The following ATP6V0E1 variants were observed in gnomAD, a reference collection of about 807,000 sequenced individuals.
ATP6V0E1 encodes V-type proton ATPase subunit e 1.
A neutral mutation model predicts 11.6 loss-of-function variants in ATP6V0E1; 4 were observed. That is an observed-to-expected ratio of 0.35 (90% CI 0.17 to 0.79). The LOEUF (loss-of-function observed/expected upper bound fraction) is 0.79. Among genes scored for constraint, ATP6V0E1 ranks in the 30% least tolerant of loss-of-function variants. ATP6V0E1 has a pLI of 0.54. For synonymous variants in ATP6V0E1, 36 were observed against 34.8 expected (o/e 1.04, Z -0.13); for missense variants, 105 against 100.0 (o/e 1.05, Z -0.21).
chr5:173,029,283 G>A (rs765276060), intron 3 of ATP6V0E1, among the ~76,000 whole-genome samples: 6 of 152,140 alleles, frequency 3.9e-5, no homozygotes, highest in South Asian at 2.1e-4. Context: ...CTTTTACTCC[G>A]AGTACTCTGG....
At chr5:173,018,916 T>G (rs1436348464) in intron 2 of ATP6V0E1, among the ~76,000 whole-genome samples, 1 of 152,076 alleles carries the variant, frequency 6.6e-6, no homozygotes, top group Non-Finnish European at 1.5e-5. Flanking sequence ...CAGAACTTTG[T>G]GAGCTATATA....
At chr5:173,016,537 T>G (rs1756401663) in intron 2 of ATP6V0E1, among the ~76,000 whole-genome samples, 1 of 152,206 alleles carries the variant, frequency 6.6e-6, no homozygotes, top group Non-Finnish European at 1.5e-5. Context: ...GTGTTTTCAT[T>G]CTGTGCTATA....
At chr5:173,011,033 C>T (rs764156911) in intron 2 of ATP6V0E1, among the ~76,000 whole-genome samples, 41 of 152,146 alleles carry the variant, frequency 2.7e-4, no homozygotes, top group Non-Finnish European at 5.6e-4. Context: ...CTACTACTCT[C>T]CTTGGCTTAT....
intron 2 of ATP6V0E1, among the ~76,000 whole-genome samples, chr5:172,999,438 C>A (rs952357287): frequency 6.6e-6 from 1 of 152,122 alleles, no homozygotes; most frequent in Non-Finnish European, 1.5e-5. Context: ...ATCTTCCTGC[C>A]TCAGCCTCCT....
At chr5:173,031,985 A>G (rs947662415) in intron 3 of ATP6V0E1, among the ~76,000 whole-genome samples, 2 of 151,072 alleles carry the variant, frequency 1.3e-5, no homozygotes, top group African/African-American at 4.9e-5. Context: ...TCTCAACAAC[A>G]ACAACAAAAA....
Position 173,020,306 on chromosome 5 carries a change from G to C in ATP6V0E1, c.221G>C (p.Trp74Ser). 6.2e-7 allele frequency: 1 copy of C among 1,613,546 alleles called. No homozygotes were observed. The highest frequency in any genetic ancestry group is 8.5e-7 in the Non-Finnish European group (1 of 1,179,534). ...CCGCAATTGAAAAATGAAACCATCT[G>C]GTATCTGAAGTATCATTGGCCTTGA... Reference protein sequence around the residue: ...FGPQLKNETIWYLKYHWP With the variant: ...FGPQLKNETISYLKYHWP The change falls in exon 3 of 4, where the codon TGG (tryptophan) becomes TCG (serine). Residue 74 changes from tryptophan (W) to serine (S), a missense_variant. By Grantham distance (177) the Trp-to-Ser change is radical. Coordinates refer to ENST00000519374, the MANE Select transcript of ATP6V0E1 (RefSeq NM_003945.4).
chr5:173,020,629 T>A, intron 3 of ATP6V0E1: 1 of 539,702 alleles, frequency 1.9e-6, no homozygotes, highest in Middle Eastern at 6.0e-4. Context: ...CATGCACTCT[T>A]TCAGACGCAG....
intron 1 of ATP6V0E1, among the ~76,000 whole-genome samples, chr5:172,984,787 A>C (rs1263050581): frequency 6.6e-6 from 1 of 152,106 alleles, no homozygotes; most frequent in African/African-American, 2.4e-5. Flanking sequence ...AGATGATGAG[A>C]GGTGAAACTT....
At chr5:173,027,192 A>G (rs1392878668) in intron 3 of ATP6V0E1, among the ~76,000 whole-genome samples, 2 of 141,858 alleles carry the variant, frequency 1.4e-5, no homozygotes, top group African/African-American at 5.2e-5. Context: ...AAAAAAAAAA[A>G]AAAAAAAAAA....
At chr5:173,020,993 T>A (rs1354693927) in intron 3 of ATP6V0E1, 1 of 509,458 alleles carries the variant, frequency 2.0e-6, no homozygotes, top group East Asian at 5.5e-5. Context: ...GTTTGTTTTG[T>A]GTTGCTATAA....
chr5:173,022,125 C>G (rs1284664805), intron 3 of ATP6V0E1, among the ~76,000 whole-genome samples: 1 of 152,240 alleles, frequency 6.6e-6, no homozygotes, highest in Non-Finnish European at 1.5e-5. Context: ...GATTTATTCA[C>G]TGGCCGAGAG....
chr5:173,025,987 A>G (rs968502426), intron 3 of ATP6V0E1, among the ~76,000 whole-genome samples: 10 of 151,762 alleles, frequency 6.6e-5, no homozygotes, highest in Middle Eastern at 3.2e-3. Flanking sequence ...TCAAGACCTC[A>G]TCTCAAATAA....
At chr5:173,009,215 G>T (rs1422607891) in intron 2 of ATP6V0E1, among the ~76,000 whole-genome samples, 3 of 151,950 alleles carry the variant, frequency 2.0e-5, no homozygotes, top group African/African-American at 4.8e-5. Flanking sequence ...AACAGAGCGA[G>T]CCTGTCTCAA....
At chr5:173,005,102 T>C (rs1019722475) in intron 2 of ATP6V0E1, among the ~76,000 whole-genome samples, 2 of 152,052 alleles carry the variant, frequency 1.3e-5, no homozygotes, top group Non-Finnish European at 2.9e-5. Context: ...GCTTCAAGAT[T>C]GTTTTGGTTA....
chr5:172,992,297 C>T (rs6861274), intron 1 of ATP6V0E1, among the ~76,000 whole-genome samples: 3,240 of 152,284 alleles, frequency 0.021, 107 homozygotes, highest in African/African-American at 0.072. Flanking sequence ...GTGATCTGCC[C>T]GCCTCGGCCT....
intron 2 of ATP6V0E1, among the ~76,000 whole-genome samples, chr5:172,998,489 T>C (rs922781439): frequency 6.6e-6 from 1 of 151,878 alleles, no homozygotes; most frequent in Non-Finnish European, 1.5e-5. Flanking sequence ...TACGCACCTG[T>C]AGTCCCAGCT....
intron 3 of ATP6V0E1, among the ~76,000 whole-genome samples, chr5:173,033,151 G>A (rs1034925292): frequency 9.9e-5 from 15 of 152,180 alleles, no homozygotes; most frequent in Admixed American, 9.2e-4. Context: ...CTAGGCTGGG[G>A]TGCAGAATGG....
rs1444925825 is a variant in ATP6V0E1 at position 172,994,764 on chromosome 5, T to C, written c.105-11T>C. 3 of 1,587,672 alleles carry C rather than the reference T, an allele frequency of 1.9e-6. No individual in the cohort carries two copies. The highest frequency in any genetic ancestry group is 2.6e-6 in the Non-Finnish European group (3 of 1,169,906). ...TTATTTAATGACATTTGCATTTTTT[T>C]TTTTTTTTAGAGTTATCATTACCAT... On this transcript the variant is annotated splice_polypyrimidine_tract_variant and intron_variant, in intron 1 of 3. Coordinates refer to ENST00000519374, the MANE Select transcript of ATP6V0E1 (RefSeq NM_003945.4).
At position 172,983,997 on chromosome 5, in the gene ATP6V0E1, G is replaced by A. The variant is rs764921012; in HGVS notation, c.104+33G>A. 2.5e-5 allele frequency: 40 copies of A among 1,600,872 alleles called. No homozygotes were observed. In the Admixed American group the frequency reaches 6.5e-4, roughly 26 times the overall value. ...CGTGAGGCCCGCCTTGGGAGGAACG[G>A]GCGGTGAGGAGCTAGCAGGCCGGGG... On this transcript the variant is annotated intron_variant, in intron 1 of 3. Transcript: ENST00000519374.
Sources: allele counts gnomAD v4.1 joint callset (sites outside exome capture counted in the v4.1 genomes callset), GRCh38; gene constraint gnomAD v4.1.1; transcripts MANE v1.5; gene names NCBI Gene and HGNC (gene_info 2026-07-23, HGNC 2026-07-21).